TOX: variants seen among roughly 807,000 people sequenced by gnomAD.
TOX encodes thymocyte selection associated high mobility group box.
Under a neutral mutation model 53.7 loss-of-function variants are expected in TOX, and 11 were observed. That is an observed-to-expected ratio of 0.20 (90% CI 0.13 to 0.34). The LOEUF (loss-of-function observed/expected upper bound fraction) is 0.34, where lower values mean the gene tolerates loss of function less well. TOX is among the 10% of genes least tolerant of loss of function. The probability of loss-of-function intolerance (pLI) is 1.00; values close to 1 mark genes in which losing one functional copy is unlikely to be tolerated. For missense variants in TOX, 570 were observed against 664.6 expected (o/e 0.86, Z 1.56); for synonymous variants, 225 against 245.3 (o/e 0.92, Z 0.77).
Position 58,994,425 on chromosome 8 carries a change from C to T in TOX, c.103-34417G>A, listed in dbSNP as rs1813520001. ...GTGTGTGTGTGTGTGTGTGTGCGCG[C>T]GCGCATGTGTGTGTATTTTTTTTTT... On this transcript the variant is annotated intron_variant, in intron 1 of 8. Coordinates refer to ENST00000361421, the MANE Select transcript of TOX (RefSeq NM_014729.3). Among the ~76,000 whole-genome samples the T allele has an allele frequency of 4.9e-5, 6 of 121,812 alleles. No homozygotes were observed. In the East Asian group the frequency reaches 7.8e-4, roughly 16 times the overall value. 79.9% of individuals were successfully genotyped at this position (121,812 alleles called of 152,430 possible). A position where few individuals can be genotyped will look rare whatever the true frequency, so the allele number is the denominator to read the frequency against.
chr8:59,041,072 CCGTGTGTG>C (rs1414344442), intron 1 of TOX, among the ~76,000 whole-genome samples: 16 of 68,144 alleles, frequency 2.3e-4, no homozygotes, highest in African/African-American at 7.3e-4. Context: ...AAAAGGGACT[CCGTGTGTG>C]TGTGTGTGTG....
intron 1 of TOX, among the ~76,000 whole-genome samples, chr8:59,054,754 C>T (rs1803858505): frequency 6.7e-6 from 1 of 149,170 alleles, no homozygotes; most frequent in Non-Finnish European, 1.5e-5. Context: ...GTACCAACAG[C>T]CACCACAAGC....
intron 6 of TOX, 26 bp from the exon 7 acceptor site, chr8:58,815,750 T>C (rs920349334): frequency 3.8e-6 from 6 of 1,575,534 alleles, no homozygotes; most frequent in Non-Finnish European, 4.3e-6. Flanking sequence ...ATGAGCAGAG[T>C]TGGGAGGCTG....
chr8:59,076,708 T>C (rs891520064), intron 1 of TOX, among the ~76,000 whole-genome samples: 1 of 152,228 alleles, frequency 6.6e-6, no homozygotes, highest in Admixed American at 6.5e-5. Context: ...ATCTCATGTA[T>C]GTTTTCAGTG....
intron 3 of TOX, among the ~76,000 whole-genome samples, chr8:58,860,075 C>T (rs1192515922): frequency 2.6e-5 from 4 of 152,136 alleles, no homozygotes; most frequent in African/African-American, 9.7e-5. Flanking sequence ...TATCTATAAA[C>T]AACTGAAAAA....
At chr8:58,881,991 A>C (rs1401000080) in intron 3 of TOX, among the ~76,000 whole-genome samples, 1 of 152,220 alleles carries the variant, frequency 6.6e-6, no homozygotes, top group African/African-American at 2.4e-5. Context: ...TTACTACTGC[A>C]GTTGCCTTTG....
intron 2 of TOX, 119 bp from the exon 3 acceptor site, chr8:58,939,663 T>C (rs1812402539): frequency 7.3e-7 from 1 of 1,378,584 alleles, no homozygotes; most frequent in African/African-American, 1.5e-5. Context: ...GGCAAAGACA[T>C]TTCAAACCTT....
intron 1 of TOX, among the ~76,000 whole-genome samples, chr8:58,968,533 G>T (rs1208178203): frequency 1.3e-5 from 2 of 152,156 alleles, no homozygotes; most frequent in Non-Finnish European, 2.9e-5. Flanking sequence ...ATTCAAACTT[G>T]CTGCCGAAAC....
chr8:58,927,542 G>T (rs1048244565), intron 3 of TOX, among the ~76,000 whole-genome samples: 1 of 152,170 alleles, frequency 6.6e-6, no homozygotes, highest in Non-Finnish European at 1.5e-5. Flanking sequence ...CCACCTCCTG[G>T]TGTGATCGTG....
In TOX at chr8:58,851,925, G is replaced by GT. The variant is rs1810832538; in HGVS notation, c.412-121dup. 1 of 888,518 alleles carries GT rather than the reference G, an allele frequency of 1.1e-6. No individual in the cohort carries two copies. The highest frequency in any genetic ancestry group is 1.5e-6 in the Non-Finnish European group (1 of 688,186). The allele number at this position is 888,518 out of a possible 1,614,324, so 55.0% of individuals were successfully genotyped here. A position where few individuals can be genotyped will look rare whatever the true frequency, so the allele number is the denominator to read the frequency against. On this transcript the variant is annotated intron_variant, in intron 3 of 8. Coordinates refer to ENST00000361421, the MANE Select transcript of TOX (RefSeq NM_014729.3). This position sits in a 1 kb window ranked among gnomAD's most constrained non-coding sequence, Gnocchi z 4.4. Reference sequence around the variant, plus strand: ...TTTAGATTTCCAGATGTTCTGCTGAGTTACATACACATTTATTTTATCTGG... The same window carrying GT: ...TTTAGATTTCCAGATGTTCTGCTGAGTTTACATACACATTTATTTTATCTGG...
At chr8:59,077,406 T>G (rs1442943956) in intron 1 of TOX, among the ~76,000 whole-genome samples, 1 of 152,156 alleles carries the variant, frequency 6.6e-6, no homozygotes, top group East Asian at 1.9e-4. Flanking sequence ...TCTTCTTAGG[T>G]TAGTTTTTAT....
At chr8:59,073,070 T>G (rs1804227331) in intron 1 of TOX, among the ~76,000 whole-genome samples, 1 of 152,294 alleles carries the variant, frequency 6.6e-6, no homozygotes, top group East Asian at 1.9e-4. Context: ...TAAGTTCAAA[T>G]GGAAAGGTAA....
At chr8:58,915,341 G>A (rs377634815) in intron 3 of TOX, among the ~76,000 whole-genome samples, 7 of 87,368 alleles carry the variant, frequency 8.0e-5, no homozygotes, top group East Asian at 3.1e-4. Flanking sequence ...CTCCCAGCAC[G>A]CAGCTGGAGA....
At position 58,891,994 on chromosome 8, in the gene TOX, A is replaced by G. The variant is rs192607271; in HGVS notation, c.412-40189T>C. 1.2e-4 allele frequency among the ~76,000 whole-genome samples: 19 copies of G among 152,318 alleles called. 1 individual carries two copies. The East Asian group carries it at 3.7e-3, about 29-fold the overall frequency. ...CATTTTCTAAAGCATTCGTATTCAT[A>G]GCATGCTACAGATGAAATTAGACAA... On this transcript the variant is annotated intron_variant, in intron 3 of 8. Coordinates refer to ENST00000361421, the MANE Select transcript of TOX (RefSeq NM_014729.3).
At chr8:58,981,766 T>G (rs893677612) in intron 1 of TOX, among the ~76,000 whole-genome samples, 2 of 152,168 alleles carry the variant, frequency 1.3e-5, no homozygotes, top group Admixed American at 1.3e-4. Context: ...TCCAAATTTT[T>G]GTTGGAAACT....
At chr8:59,002,535 T>C (rs1245039456) in intron 1 of TOX, among the ~76,000 whole-genome samples, 1 of 150,632 alleles carries the variant, frequency 6.6e-6, no homozygotes, top group Non-Finnish European at 1.5e-5. Context: ...GAGCTTGCAG[T>C]GAGCGAGATC....
At chr8:58,889,891 T>C (rs1222963547) in intron 3 of TOX, among the ~76,000 whole-genome samples, 1 of 152,168 alleles carries the variant, frequency 6.6e-6, no homozygotes, top group Non-Finnish European at 1.5e-5. Context: ...AGTGATCTCT[T>C]AACATTATAA....
At chr8:59,082,452 G>A (rs1387805945) in intron 1 of TOX, among the ~76,000 whole-genome samples, 5 of 152,230 alleles carry the variant, frequency 3.3e-5, no homozygotes, top group African/African-American at 1.2e-4. Flanking sequence ...GTATGACTGT[G>A]CAGCTAGAAG....
At chr8:58,854,564 G>T (rs1358828318) in intron 3 of TOX, among the ~76,000 whole-genome samples, 1 of 152,070 alleles carries the variant, frequency 6.6e-6, no homozygotes, top group African/African-American at 2.4e-5. Flanking sequence ...GAAGAGTAAA[G>T]TATCAATCTG....
Sources: allele counts gnomAD v4.1 joint callset (sites outside exome capture counted in the v4.1 genomes callset), GRCh38; gene constraint gnomAD v4.1.1; non-coding constraint Gnocchi (gnomAD v3.1); transcripts MANE v1.5; gene names NCBI Gene and HGNC (gene_info 2026-07-23, HGNC 2026-07-21).